Variants in FBXO3 observed in about 807,000 individuals in gnomAD.
The protein encoded by FBXO3 is F-box only protein 3.
In FBXO3, 17 loss-of-function variants were observed where a neutral mutation model predicts 64.8. The ratio of observed to expected loss-of-function variants is 0.26; its 90% CI spans 0.18 to 0.39. FBXO3 has a LOEUF of 0.39. Ranked by LOEUF, FBXO3 falls within the 10% of genes least tolerant of loss-of-function variation. FBXO3 has a pLI of 1.00. For missense variants in FBXO3, 420 were observed against 589.9 expected (o/e 0.71, Z 2.98); for synonymous variants, 182 against 201.6 (o/e 0.90, Z 0.82).
intron 2 of FBXO3, 84 bp downstream of exon 2, chr11:33,770,657 T>G: frequency 2.0e-6 from 2 of 988,800 alleles, no homozygotes; most frequent in South Asian, 1.4e-5. Context: ...GAGACAAGGG[T>G]TAGAGAGGAG....
At chr11:33,754,204 T>G (rs1425403131) in intron 6 of FBXO3, 7 of 362,424 alleles carry the variant, frequency 1.9e-5, no homozygotes, top group Non-Finnish European at 4.9e-6. Flanking sequence ...CATATTTCAT[T>G]GCCTTATAGA....
intron 1 of FBXO3, chr11:33,771,552 C>A (rs1042490060): frequency 1.3e-5 from 2 of 152,208 alleles, no homozygotes; most frequent in Non-Finnish European, 2.9e-5. Context: ...AGGACTCTAT[C>A]CTTTCCAGAG....
At chr11:33,752,852 A>G (rs1030037856) in intron 6 of FBXO3, among the ~76,000 whole-genome samples, 1 of 152,224 alleles carries the variant, frequency 6.6e-6, no homozygotes, top group Admixed American at 6.5e-5. Context: ...AACTAAAAAC[A>G]AATTTGTGGT....
chr11:33,747,821 T>G (rs920490972), intron 9 of FBXO3, among the ~76,000 whole-genome samples: 13 of 151,590 alleles, frequency 8.6e-5, no homozygotes, highest in African/African-American at 2.9e-4. Context: ...CCTCTCAACA[T>G]TTTTTTAATG....
At chr11:33,748,480 C>G (rs2133595709) in intron 9 of FBXO3, among the ~76,000 whole-genome samples, 1 of 152,122 alleles carries the variant, frequency 6.6e-6, no homozygotes, top group Admixed American at 6.5e-5. Flanking sequence ...AACATTTCCC[C>G]CCAAGCTTCA....
At chr11:33,765,425 T>C (rs1016361124) in intron 3 of FBXO3, among the ~76,000 whole-genome samples, 1 of 152,066 alleles carries the variant, frequency 6.6e-6, no homozygotes, top group African/African-American at 2.4e-5. Context: ...ACTTAACATG[T>C]AACATTAACA....
intron 2 of FBXO3, among the ~76,000 whole-genome samples, chr11:33,769,521 G>T (rs1001952345): frequency 6.6e-6 from 1 of 151,908 alleles, no homozygotes; most frequent in South Asian, 2.1e-4. Context: ...AGCCACTGAG[G>T]ATATAAAAAA....
chr11:33,745,180 T>A (rs571074515), intron 10 of FBXO3: 8 of 152,092 alleles, frequency 5.3e-5, no homozygotes, highest in Non-Finnish European at 1.0e-4. Flanking sequence ...TTGCATATAA[T>A]TATACAGCTT....
At chr11:33,767,722 A>G (rs908466120) in intron 3 of FBXO3, 8 of 152,236 alleles carry the variant, frequency 5.3e-5, no homozygotes, top group African/African-American at 1.9e-4. Context: ...GCCAGTGCCT[A>G]GCTTTGTGTT....
In FBXO3 at chr11:33,747,169, A is replaced by G. The variant is rs922004916; in HGVS notation, c.1200T>C (p.His400=). 6.2e-7 allele frequency: 1 copy of G among 1,609,786 alleles called. No homozygotes were observed. The change falls in exon 10 of 11, where the codon CAT becomes CAC. Residue 400 remains histidine (H), a synonymous_variant. Transcript: ENST00000265651. The part of the protein sequence containing the change: ...KIFNVAIPRF[H]MACPTFRVSI... ...ACACCCTGAATGTTGGACATGCCAT[A>G]TGGAATCGGGGAATGGCAACATTAA...
intron 9 of FBXO3, 61 bp downstream of exon 9, chr11:33,748,716 T>A: frequency 9.6e-7 from 1 of 1,040,328 alleles, no homozygotes. Context: ...ATATTTAGGA[T>A]GCAAAGTCTA....
At chr11:33,757,344 T>A (rs1415682743) in intron 4 of FBXO3, among the ~76,000 whole-genome samples, 1 of 151,612 alleles carries the variant, frequency 6.6e-6, no homozygotes, top group Non-Finnish European at 1.5e-5. Flanking sequence ...ACCCAAAAGT[T>A]CCACAATGTA....
Position 33,742,100 on chromosome 11 carries a change from A to G in FBXO3, c.1240-16T>C. On this transcript the variant is annotated splice_polypyrimidine_tract_variant and intron_variant, in intron 10 of 10. Transcript: ENST00000265651. Reference sequence around the variant, plus strand: ...GACCCATTTCCTTGAAAGAGAAAACAATCTTTTGATAAGAAGAGCATCTAT... The same window carrying G: ...GACCCATTTCCTTGAAAGAGAAAACGATCTTTTGATAAGAAGAGCATCTAT... The G allele has an allele frequency of 6.5e-7, 1 of 1,529,524 alleles. No homozygotes were observed. The allele number at this position is 1,529,524 out of a possible 1,614,324, so 94.7% of individuals were successfully genotyped here.
intron 8 of FBXO3, among the ~76,000 whole-genome samples, chr11:33,749,932 G>C (rs568183046): frequency 1.3e-5 from 2 of 152,002 alleles, no homozygotes; most frequent in South Asian, 4.2e-4. Flanking sequence ...CTTCCAGTAT[G>C]CATATATGCA....
chr11:33,742,917 G>GA (rs1376051257), intron 10 of FBXO3: 3 of 152,230 alleles, frequency 2.0e-5, no homozygotes, highest in African/African-American at 7.2e-5. Flanking sequence ...GTTGCAGTCC[G>GA]ATGGTAGCTG....
intron 2 of FBXO3, 33 bp from the exon 3 acceptor site, chr11:33,769,047 T>C: frequency 6.5e-7 from 1 of 1,541,326 alleles, no homozygotes; most frequent in Non-Finnish European, 8.8e-7. Flanking sequence ...ATTTTAAATC[T>C]TTTAAAATAA....
chr11:33,769,403 A>G (rs1311664348), intron 2 of FBXO3, among the ~76,000 whole-genome samples: 1 of 152,286 alleles, frequency 6.6e-6, no homozygotes, highest in South Asian at 2.1e-4. Flanking sequence ...TATTAATCTA[A>G]CACATATCTA....
intron 3 of FBXO3, among the ~76,000 whole-genome samples, chr11:33,768,008 G>A (rs1477956618): frequency 6.6e-6 from 1 of 152,138 alleles, no homozygotes; most frequent in East Asian, 1.9e-4. Context: ...ATTTGCATGG[G>A]AAATTAGAGA....
chr11:33,753,490 C>G (rs1855014413), intron 6 of FBXO3: 1 of 152,120 alleles, frequency 6.6e-6, no homozygotes, highest in Admixed American at 6.5e-5. Flanking sequence ...GTGTGCTATG[C>G]AAAAATAACA....
Sources: allele counts gnomAD v4.1 joint callset (sites outside exome capture counted in the v4.1 genomes callset), GRCh38; gene constraint gnomAD v4.1.1; transcripts MANE v1.5; gene names NCBI Gene and HGNC (gene_info 2026-07-23, HGNC 2026-07-21).